PLCG2: variants seen among roughly 807,000 people sequenced by gnomAD.
PLCG2 encodes the protein phospholipase C gamma 2.
Under a neutral mutation model 175.6 loss-of-function variants are expected in PLCG2, and 69 were observed. That is an observed-to-expected ratio of 0.39 (90% CI 0.32 to 0.48). PLCG2 has a LOEUF of 0.48. Ranked by LOEUF, PLCG2 falls within the 20% of genes least tolerant of loss-of-function variation. The pLI is 0.91. For missense variants in PLCG2, 1,798 were observed against 1,650.9 expected, an observed-to-expected ratio of 1.09 and a Z score of -1.54; for synonymous variants, 827 against 624.0, an observed-to-expected ratio of 1.33 and a Z score of -4.85.
intron 2 of PLCG2, among the ~76,000 whole-genome samples, chr16:81,768,224 C>G (rs888657121): frequency 6.6e-6 from 1 of 152,196 alleles, no homozygotes; most frequent in Non-Finnish European, 1.5e-5. Context: ...GAGATTCAGC[C>G]TTGGTCTTGT....
chr16:81,808,057 G>T (rs1397083613), intron 2 of PLCG2, among the ~76,000 whole-genome samples: 3 of 152,182 alleles, frequency 2.0e-5, no homozygotes, highest in Non-Finnish European at 4.4e-5. Flanking sequence ...ACAATATTAG[G>T]TTGTTTCTAC....
chr16:81,782,411 A>G (rs1910779136), intron 1 of PLCG2, among the ~76,000 whole-genome samples: 1 of 152,122 alleles, frequency 6.6e-6, no homozygotes, highest in Middle Eastern at 3.2e-3. Flanking sequence ...TGAAAAAACC[A>G]AAAAAAGCAG....
intron 2 of PLCG2, among the ~76,000 whole-genome samples, chr16:81,807,532 G>A (rs1320700984): frequency 6.6e-6 from 1 of 152,208 alleles, no homozygotes; most frequent in South Asian, 2.1e-4. Flanking sequence ...CATTTATGTA[G>A]TATATGTTTA....
chr16:81,786,653 C>T (rs752352585), intron 2 of PLCG2, among the ~76,000 whole-genome samples: 5 of 152,124 alleles, frequency 3.3e-5, no homozygotes, highest in Non-Finnish European at 4.4e-5. Context: ...AGTTGTTGAA[C>T]GTTTTGTAGC....
At chr16:81,811,530 C>T (rs973633763) in intron 2 of PLCG2, among the ~76,000 whole-genome samples, 6 of 151,922 alleles carry the variant, frequency 3.9e-5, no homozygotes, top group African/African-American at 1.2e-4. Flanking sequence ...GTCCCCCAAC[C>T]CCTAACAGGC....
chr16:81,930,749 A>C (rs1202299742), intron 24 of PLCG2, among the ~76,000 whole-genome samples: 2 of 96,598 alleles, frequency 2.1e-5, no homozygotes, highest in African/African-American at 8.5e-5. Context: ...CCCTGTCTCA[A>C]AAAAAAAAAA....
chr16:81,847,018 A>G (rs564154778), intron 2 of PLCG2, among the ~76,000 whole-genome samples: 6 of 152,322 alleles, frequency 3.9e-5, no homozygotes, highest in Admixed American at 2.6e-4. Flanking sequence ...TTGAGAGCTC[A>G]GTCCCTCAAG....
intron 31 of PLCG2, among the ~76,000 whole-genome samples, chr16:81,953,780 A>T (rs576591138): frequency 6.6e-6 from 1 of 152,148 alleles, no homozygotes; most frequent in Non-Finnish European, 1.5e-5. Flanking sequence ...ATTATATCTC[A>T]TATATATACA....
chr16:81,773,115 G>A (rs1447335170), intron 2 of PLCG2, among the ~76,000 whole-genome samples: 1 of 152,190 alleles, frequency 6.6e-6, no homozygotes, highest in Non-Finnish European at 1.5e-5. Flanking sequence ...GGCAGAGCAG[G>A]CTTTGTGACC....
intron 2 of PLCG2, among the ~76,000 whole-genome samples, chr16:81,846,391 G>A (rs1204048602): frequency 2.0e-5 from 3 of 152,168 alleles, no homozygotes; most frequent in Non-Finnish European, 4.4e-5. Context: ...TCCCACTCCT[G>A]CACTCTCCCA....
rs951971553 is a variant in PLCG2 at position 81,832,103 on chromosome 16, G to C, written c.194-22341G>C. The stretch of plus-strand genomic sequence containing the variant: ...GCCTCAGTCTTCTCCTTTGATAAAT[G>C]GAGGGGGGGAATAGTGATATTGTGG... On this transcript the variant is annotated intron_variant, in intron 2 of 32. Coordinates refer to ENST00000564138, the MANE Select transcript of PLCG2 (RefSeq NM_002661.5). 2.5e-4 allele frequency among the ~76,000 whole-genome samples: 31 copies of C among 124,232 alleles called. No individual in the cohort carries two copies. The East Asian group carries it at 8.1e-3, about 32-fold the overall frequency. 81.5% of individuals were successfully genotyped at this position (124,232 alleles called of 152,430 possible).
At chr16:81,908,689 C>A (rs1033617058) in intron 17 of PLCG2, 98 bp downstream of exon 17, 46 of 1,056,432 alleles carry the variant, frequency 4.4e-5, no homozygotes, top group Admixed American at 5.5e-5. Context: ...ATTGGGCAGG[C>A]TGGGACCTGA....
At chr16:81,854,821 T>G (rs1263267330) in intron 3 of PLCG2, among the ~76,000 whole-genome samples, 1 of 152,082 alleles carries the variant, frequency 6.6e-6, no homozygotes, top group East Asian at 1.9e-4. Context: ...GCCTATTTCA[T>G]GGGGGTATTG....
At chr16:81,744,939 A>T (rs1161978176) in intron 1 of PLCG2, among the ~76,000 whole-genome samples, 1 of 152,218 alleles carries the variant, frequency 6.6e-6, no homozygotes, top group African/African-American at 2.4e-5. Flanking sequence ...GCAGGAAGGA[A>T]GGGGAAAGGA....
intron 5 of PLCG2, among the ~76,000 whole-genome samples, chr16:81,860,305 G>A (rs1382366819): frequency 1.3e-5 from 2 of 151,704 alleles, no homozygotes; most frequent in African/African-American, 2.4e-5. Flanking sequence ...TGCACAGAGC[G>A]CTGCTCCCAA....
chr16:81,891,705 G>T (rs374184836), intron 11 of PLCG2, 115 bp downstream of exon 11: 3 of 662,668 alleles, frequency 4.5e-6, no homozygotes, highest in East Asian at 5.4e-5. Flanking sequence ...GGAGGGTGTA[G>T]CACCGCATTC....
At chr16:81,935,772 T>A (rs1323173721) in intron 26 of PLCG2, 1 of 985,284 alleles carries the variant, frequency 1.0e-6, no homozygotes, top group Non-Finnish European at 1.2e-6. Context: ...CAGGTGATTC[T>A]CAGTTTGTTC....
chr16:81,849,739 C>G (rs1219601716), intron 2 of PLCG2, among the ~76,000 whole-genome samples: 1 of 140,990 alleles, frequency 7.1e-6, no homozygotes. Context: ...CCACTGCACT[C>G]CAGCCTGGGC....
intron 1 of PLCG2, among the ~76,000 whole-genome samples, chr16:81,755,050 C>T (rs1456543967): frequency 6.6e-6 from 1 of 152,106 alleles, no homozygotes; most frequent in African/African-American, 2.4e-5. Flanking sequence ...TCTGGAAATC[C>T]TCACTTCCTC....
Sources: allele counts gnomAD v4.1 joint callset (sites outside exome capture counted in the v4.1 genomes callset), GRCh38; gene constraint gnomAD v4.1.1; transcripts MANE v1.5; gene names NCBI Gene and HGNC (gene_info 2026-07-23, HGNC 2026-07-21).